SDK1: variants seen among roughly 807,000 people sequenced by gnomAD.
SDK1 encodes protein sidekick-1.
SDK1 carries 157 observed loss-of-function variants against 245.5 expected under a neutral mutation model. The ratio of observed to expected loss-of-function variants is 0.64; its 90% CI spans 0.56 to 0.73. The LOEUF is 0.73. SDK1 is among the 30% of genes least tolerant of loss of function. The probability of loss-of-function intolerance (pLI) is 0.00; values close to 1 mark genes in which losing one functional copy is unlikely to be tolerated. For synonymous variants in SDK1, 1,647 were observed against 1,278.5 expected (o/e 1.29, Z -6.15); for missense variants, 3,583 against 3,002.3 (o/e 1.19, Z -4.52).
At chr7:3,620,269 C>T (rs1317823742) in intron 2 of SDK1, among the ~76,000 whole-genome samples, 2 of 150,552 alleles carry the variant, frequency 1.3e-5, no homozygotes, top group African/African-American at 2.4e-5. Flanking sequence ...TTTTAAAAAT[C>T]AATTAAAAAA....
intron 32 of SDK1, among the ~76,000 whole-genome samples, chr7:4,170,074 C>A (rs931619530): frequency 1.3e-5 from 2 of 152,164 alleles, no homozygotes; most frequent in Admixed American, 6.5e-5. Context: ...CATTGTATTT[C>A]TTCTAAGAAG....
chr7:3,495,694 G>A (rs144542440), intron 1 of SDK1, among the ~76,000 whole-genome samples: 4 of 152,300 alleles, frequency 2.6e-5, no homozygotes, highest in African/African-American at 9.6e-5. Context: ...TGGTTCCTGC[G>A]TCAGTCTTCA....
chr7:4,038,500 T>G (rs73673263), intron 17 of SDK1, among the ~76,000 whole-genome samples: 5,903 of 152,304 alleles, frequency 0.039, 361 homozygotes, highest in African/African-American at 0.13. Flanking sequence ...TGGAAGCTTG[T>G]TTGATGTAAT....
At chr7:3,334,168 G>A (rs1283988246) in intron 1 of SDK1, among the ~76,000 whole-genome samples, 1 of 152,180 alleles carries the variant, frequency 6.6e-6, no homozygotes, top group Non-Finnish European at 1.5e-5. Flanking sequence ...ACTCTGCAGA[G>A]CTAGAAGGTG....
intron 17 of SDK1, among the ~76,000 whole-genome samples, chr7:4,047,423 T>A (rs1789101051): frequency 6.6e-6 from 1 of 152,318 alleles, no homozygotes; most frequent in South Asian, 2.1e-4. Context: ...TTTTTTGAAT[T>A]TGTGTTCATG....
chr7:3,890,095 T>A (rs1267513593), intron 5 of SDK1, among the ~76,000 whole-genome samples: 1 of 152,218 alleles, frequency 6.6e-6, no homozygotes, highest in Non-Finnish European at 1.5e-5. Flanking sequence ...ATTTTACAGA[T>A]GGATTTCAGA....
chr7:3,822,907 G>A lies in SDK1; in HGVS notation c.847+1324G>A, dbSNP rs542597029. On this transcript the variant is annotated intron_variant, in intron 5 of 44. Coordinates refer to ENST00000404826, the MANE Select transcript of SDK1 (RefSeq NM_152744.4). Reference sequence around the variant, plus strand: ...TTTGTAGCAAACTCTGGGTGCAGGCGTCTGTGGGAGTTAACTGAGTGGGGT... The same window carrying A: ...TTTGTAGCAAACTCTGGGTGCAGGCATCTGTGGGAGTTAACTGAGTGGGGT... Among the ~76,000 whole-genome samples the A allele has an allele frequency of 1.1e-3, 163 of 152,266 alleles. 1 individual carries two copies. Among genetic ancestry groups the A allele is most frequent in the Middle Eastern group, 3.4e-3 (1 of 294 alleles).
At chr7:3,713,928 A>T (rs1785125004) in intron 4 of SDK1, among the ~76,000 whole-genome samples, 1 of 152,226 alleles carries the variant, frequency 6.6e-6, no homozygotes. Context: ...AATGAACATT[A>T]TATTAATTCA....
chr7:4,130,300 A>C (rs767261962), intron 27 of SDK1: 1 of 603,584 alleles, frequency 1.7e-6, no homozygotes, highest in South Asian at 2.1e-5. Flanking sequence ...TTACAGCCTA[A>C]TTATGAACCT....
intron 4 of SDK1, among the ~76,000 whole-genome samples, chr7:3,688,533 GTAT>G (rs1784354676): frequency 6.6e-6 from 1 of 152,220 alleles, no homozygotes; most frequent in Admixed American, 6.5e-5. Context: ...GCCGTTGTTA[GTAT>G]TATAATTAGA....
At chr7:4,185,597 G>A (rs192606468) in intron 35 of SDK1, among the ~76,000 whole-genome samples, 41 of 152,224 alleles carry the variant, frequency 2.7e-4, no homozygotes, top group Admixed American at 9.8e-4. Flanking sequence ...CTGCATCCAC[G>A]CGAGCCCTTG....
At chr7:4,168,710 G>A (rs1307694324) in intron 32 of SDK1, among the ~76,000 whole-genome samples, 2 of 152,152 alleles carry the variant, frequency 1.3e-5, no homozygotes, top group African/African-American at 4.8e-5. Context: ...CCAGTTCCTC[G>A]AGCTGCTGCA....
intron 4 of SDK1, among the ~76,000 whole-genome samples, chr7:3,740,015 G>A (rs1779432101): frequency 6.6e-6 from 1 of 152,150 alleles, no homozygotes. Flanking sequence ...TTGTCAGTTA[G>A]CTAAGTGGTC....
chr7:4,131,474 T>C (rs1347796939), intron 27 of SDK1, among the ~76,000 whole-genome samples: 1 of 152,214 alleles, frequency 6.6e-6, no homozygotes, highest in Non-Finnish European at 1.5e-5. Context: ...GAATTTAAAA[T>C]ACTGTTCCCA....
chr7:4,130,296 C>G, intron 27 of SDK1, 199 bp downstream of exon 27: 2 of 612,260 alleles, frequency 3.3e-6, no homozygotes, highest in Non-Finnish European at 5.6e-6. Context: ...ATTTTTACAG[C>G]CTAATTATGA....
At chr7:3,667,906 C>T (rs1230238991) in intron 4 of SDK1, among the ~76,000 whole-genome samples, 1 of 152,196 alleles carries the variant, frequency 6.6e-6, no homozygotes, top group Non-Finnish European at 1.5e-5. Context: ...ATGCTAGAAA[C>T]ATTCACAAAT....
At chr7:3,847,414 G>C (rs1780307822) in intron 5 of SDK1, among the ~76,000 whole-genome samples, 1 of 152,144 alleles carries the variant, frequency 6.6e-6, no homozygotes, top group Non-Finnish European at 1.5e-5. Flanking sequence ...AATTTATTTA[G>C]TATTTACCGA....
At chr7:3,850,204 G>A (rs1194894942) in intron 5 of SDK1, among the ~76,000 whole-genome samples, 6 of 152,202 alleles carry the variant, frequency 3.9e-5, no homozygotes, top group Non-Finnish European at 7.3e-5. Flanking sequence ...TCAGGCACAT[G>A]GCTTTGGCAA....
intron 4 of SDK1, among the ~76,000 whole-genome samples, chr7:3,820,042 C>A (rs7803784): frequency 6.6e-6 from 1 of 152,134 alleles, no homozygotes; most frequent in African/African-American, 2.4e-5. Context: ...AGATGTTTCT[C>A]TTGTTTTTGA....
Sources: allele counts gnomAD v4.1 joint callset (sites outside exome capture counted in the v4.1 genomes callset), GRCh38; gene constraint gnomAD v4.1.1; transcripts MANE v1.5; gene names NCBI Gene and HGNC (gene_info 2026-07-23, HGNC 2026-07-21).